LRBA: variants seen among roughly 807,000 people sequenced by gnomAD.
The protein encoded by LRBA is LPS responsive beige-like anchor protein, also known as lipopolysaccharide-responsive and beige-like anchor protein.
LRBA carries 176 observed loss-of-function variants against 330.0 expected under a neutral mutation model. The observed-to-expected ratio is 0.53, with a 90% CI of 0.47 to 0.60. The LOEUF (loss-of-function observed/expected upper bound fraction) is 0.60, where lower values mean the gene tolerates loss of function less well. Ranked by LOEUF, LRBA falls within the 20% of genes least tolerant of loss-of-function variation. LRBA has a pLI of 0.00. For synonymous variants in LRBA, 1,230 were observed against 1,193.0 expected (o/e 1.03, Z -0.64); for missense variants, 3,259 against 3,444.8 (o/e 0.95, Z 1.35).
At chr4:150,310,949 A>G (rs1313516491) in intron 51 of LRBA, 1 of 152,236 alleles carries the variant, frequency 6.6e-6, no homozygotes, top group Non-Finnish European at 1.5e-5. Context: ...GGGTAGAATG[A>G]CTGTTTATTA....
At chr4:150,355,466 TATGGG>T (rs1295273613) in intron 47 of LRBA, among the ~76,000 whole-genome samples, 6 of 152,058 alleles carry the variant, frequency 3.9e-5, no homozygotes, top group Non-Finnish European at 8.8e-5. Context: ...TAGCAATATC[TATGGG>T]ATAAATGATT....
chr4:150,577,826 A>G (rs930849132), intron 40 of LRBA, among the ~76,000 whole-genome samples: 1 of 152,204 alleles, frequency 6.6e-6, no homozygotes, highest in African/African-American at 2.4e-5. Flanking sequence ...TCAGCAAAAA[A>G]TAAAACAGTT....
chr4:150,376,576 C>CTTT (rs35877466), intron 47 of LRBA, among the ~76,000 whole-genome samples: 1 of 152,150 alleles, frequency 6.6e-6, no homozygotes, highest in Non-Finnish European at 1.5e-5. Context: ...GTGTAACCAG[C>CTTT]TTTTCTCCAA....
At chr4:150,789,211 T>C (rs1191426172) in intron 34 of LRBA, among the ~76,000 whole-genome samples, 2 of 152,154 alleles carry the variant, frequency 1.3e-5, no homozygotes, top group South Asian at 2.1e-4. Context: ...CACCTGTACA[T>C]AGTTGACCTC....
chr4:150,678,691 A>G (rs1034001949), intron 37 of LRBA, among the ~76,000 whole-genome samples: 1 of 152,324 alleles, frequency 6.6e-6, no homozygotes. Flanking sequence ...TTATTAAGCC[A>G]TCTTACAATG....
At chr4:150,887,693 C>T (rs984139132) in intron 17 of LRBA, among the ~76,000 whole-genome samples, 2 of 149,712 alleles carry the variant, frequency 1.3e-5, no homozygotes, top group African/African-American at 4.9e-5. Context: ...GGCATGAACC[C>T]AGGAGGCGGA....
At chr4:150,645,222 A>C (rs1401204607) in intron 37 of LRBA, among the ~76,000 whole-genome samples, 3 of 151,182 alleles carry the variant, frequency 2.0e-5, no homozygotes, top group Admixed American at 2.0e-4. Flanking sequence ...TTTTCTGAGA[A>C]AAAAATAACT....
chr4:150,454,706 G>T (rs1469707101), intron 44 of LRBA, among the ~76,000 whole-genome samples: 4 of 151,958 alleles, frequency 2.6e-5, no homozygotes, highest in Admixed American at 2.0e-4. Flanking sequence ...TGTACCATAG[G>T]TGATCTTTCA....
At chr4:150,658,508 TCCC>T (rs1422264175) in intron 37 of LRBA, among the ~76,000 whole-genome samples, 3 of 596 alleles carry the variant, frequency 5.0e-3, no homozygotes, top group East Asian at 0.5. Flanking sequence ...AATAAAAGTC[TCCC>T]TCTCCCTCTC....
At chr4:150,623,462 A>G (rs1776516647) in intron 37 of LRBA, among the ~76,000 whole-genome samples, 1 of 151,976 alleles carries the variant, frequency 6.6e-6, no homozygotes, top group South Asian at 2.1e-4. Flanking sequence ...GTTAAAAAAT[A>G]ATGAGGTAGA....
chr4:150,739,043 T>C lies in LRBA; in HGVS notation c.5646-3677A>G, dbSNP rs563672521. On this transcript the variant is annotated intron_variant, in intron 35 of 56. Coordinates refer to ENST00000651943, the MANE Select transcript of LRBA (RefSeq NM_001364905.1). Reference sequence around the variant, plus strand: ...ATTTCAATATAAGGTTAAACAAAGATTGAAAAGTATAATTTCAGAAAACAT... The same window carrying C: ...ATTTCAATATAAGGTTAAACAAAGACTGAAAAGTATAATTTCAGAAAACAT... Among the ~76,000 whole-genome samples, 9 of 152,220 alleles carry C rather than the reference T, an allele frequency of 5.9e-5. No individual in the cohort carries two copies. In the East Asian group the frequency reaches 1.5e-3, roughly 26 times the overall value.
chr4:150,572,484 G>T, intron 40 of LRBA, among the ~76,000 whole-genome samples: 1 of 152,042 alleles, frequency 6.6e-6, no homozygotes, highest in African/African-American at 2.4e-5. Context: ...TATCTTTGCA[G>T]AATACATTTA....
chr4:150,665,726 T>G (rs554387365), intron 37 of LRBA, among the ~76,000 whole-genome samples: 1 of 152,338 alleles, frequency 6.6e-6, no homozygotes, highest in South Asian at 2.1e-4. Context: ...TATGCACCAG[T>G]AATTTGTTCC....
intron 56 of LRBA, among the ~76,000 whole-genome samples, chr4:150,267,786 A>C (rs1005837413): frequency 3.9e-5 from 6 of 152,198 alleles, no homozygotes; most frequent in African/African-American, 1.2e-4. Context: ...TTGGCTGGGC[A>C]TGGTGGATCA....
chr4:150,443,900 A>C (rs1358499495), intron 44 of LRBA, among the ~76,000 whole-genome samples: 2 of 127,388 alleles, frequency 1.6e-5, no homozygotes, highest in Admixed American at 7.9e-5. Flanking sequence ...TTTTAAAGCC[A>C]CCTCCAACCA....
rs535887673 is a variant in LRBA at position 150,609,786 on chromosome 4, T to G, written c.5922-10655A>C. Among the ~76,000 whole-genome samples, 263 of 152,240 alleles carry G rather than the reference T, an allele frequency of 1.7e-3. 2 individuals carry two copies. Among genetic ancestry groups the G allele is most frequent in the African/African-American group, 6.3e-3 (260 of 41,522 alleles). ...GTTTAAAGAAGGTAAAGAACAGACTTAAGCATGTTTGCAGAAGGAAAAGAC... is the reference window on the plus strand; with the variant it reads ...GTTTAAAGAAGGTAAAGAACAGACTGAAGCATGTTTGCAGAAGGAAAAGAC... On this transcript the variant is annotated intron_variant, in intron 37 of 56. Transcript: ENST00000651943.
chr4:150,750,795 T>C (rs1379153457), intron 35 of LRBA, among the ~76,000 whole-genome samples: 2 of 151,630 alleles, frequency 1.3e-5, no homozygotes, highest in Non-Finnish European at 2.9e-5. Context: ...TACTTGTTTA[T>C]AGAATATCTT....
At chr4:150,276,472 A>G (rs1746774368) in intron 56 of LRBA, among the ~76,000 whole-genome samples, 1 of 152,238 alleles carries the variant, frequency 6.6e-6, no homozygotes. Context: ...AAAAGAAACT[A>G]TCATCAGAGT....
At chr4:150,604,836 G>T (rs1774468498) in intron 37 of LRBA, among the ~76,000 whole-genome samples, 1 of 152,060 alleles carries the variant, frequency 6.6e-6, no homozygotes, top group African/African-American at 2.4e-5. Flanking sequence ...TCAATGCTCA[G>T]GCTCCTTTCT....
Sources: gnomAD v4.1 joint callset for allele counts (sites outside exome capture counted in the v4.1 genomes callset) on GRCh38, gnomAD v4.1.1 for gene constraint, MANE v1.5 for transcripts, NCBI Gene and HGNC (gene_info 2026-07-23, HGNC 2026-07-21) for gene names.